The following MLLT3 variants were observed in gnomAD, a reference collection of about 807,000 sequenced individuals.
MLLT3 encodes the protein protein AF-9.
Under a neutral mutation model 53.2 loss-of-function variants are expected in MLLT3, and 4 were observed. The ratio of observed to expected loss-of-function variants is 0.08; its 90% CI spans 0.04 to 0.17. The LOEUF is 0.17. Among genes scored for constraint, MLLT3 ranks in the 10% least tolerant of loss-of-function variants. The pLI is 1.00. For missense variants in MLLT3, 569 were observed against 684.0 expected (o/e 0.83, Z 1.87); for synonymous variants, 283 against 230.6 (o/e 1.23, Z -2.06).
intron 2 of MLLT3, among the ~76,000 whole-genome samples, chr9:20,501,635 C>A (rs917015722): frequency 3.3e-5 from 5 of 152,052 alleles, no homozygotes; most frequent in African/African-American, 1.2e-4. Context: ...CCTGCAGTCC[C>A]AGCTACTTGG....
At chr9:20,353,779 G>C (rs1387880094) in intron 9 of MLLT3, among the ~76,000 whole-genome samples, 183 bp from the exon 10 acceptor site, 2 of 152,188 alleles carry the variant, frequency 1.3e-5, no homozygotes, top group Non-Finnish European at 2.9e-5. Context: ...TCTTGGACCA[G>C]TCATTACCTT....
intron 2 of MLLT3, among the ~76,000 whole-genome samples, chr9:20,467,958 G>T (rs1251526324): frequency 6.6e-6 from 1 of 152,178 alleles, no homozygotes; most frequent in African/African-American, 2.4e-5. Context: ...GAAGAGGCAG[G>T]TATGTATAAC....
chr9:20,489,583 C>T (rs1374814667), intron 2 of MLLT3, among the ~76,000 whole-genome samples: 1 of 152,158 alleles, frequency 6.6e-6, no homozygotes, highest in Non-Finnish European at 1.5e-5. Flanking sequence ...TCTGCTGGAG[C>T]AATTGGCTAA....
At chr9:20,374,818 T>A (rs1056225238) in intron 5 of MLLT3, among the ~76,000 whole-genome samples, 2 of 152,216 alleles carry the variant, frequency 1.3e-5, no homozygotes, top group Non-Finnish European at 2.9e-5. Context: ...TGATAGGAAT[T>A]ATGCCCCCTC....
At position 20,357,511 on chromosome 9, in the gene MLLT3, T is replaced by C. The variant is rs138390295; in HGVS notation, c.1432-2632A>G. ...TTGTCTTTAATCTGAGAAAATGTCT[T>C]GACAAACGTTCAAGATTATATTTTT... On this transcript the variant is annotated intron_variant, in intron 8 of 10. Transcript: ENST00000380338. 6.0e-3 allele frequency among the ~76,000 whole-genome samples: 907 copies of C among 152,358 alleles called. 6 individuals are homozygous for C. Among genetic ancestry groups the C allele is most frequent in the Non-Finnish European group, 9.8e-3 (666 of 68,030 alleles).
At chr9:20,514,437 C>T (rs1817848132) in intron 2 of MLLT3, among the ~76,000 whole-genome samples, 1 of 152,118 alleles carries the variant, frequency 6.6e-6, no homozygotes, top group Admixed American at 6.5e-5. Flanking sequence ...CCATTAAACA[C>T]CCAAACCAGT....
At chr9:20,394,739 T>C (rs1169940025) in intron 5 of MLLT3, among the ~76,000 whole-genome samples, 1 of 152,174 alleles carries the variant, frequency 6.6e-6, no homozygotes, top group Non-Finnish European at 1.5e-5. Flanking sequence ...AACGTATTTT[T>C]AAACTCTTTC....
At chr9:20,616,165 T>C (rs535396363) in intron 2 of MLLT3, among the ~76,000 whole-genome samples, 2 of 152,272 alleles carry the variant, frequency 1.3e-5, no homozygotes, top group East Asian at 1.9e-4. Context: ...CCTCAACTTA[T>C]GAGGTAATAG....
chr9:20,541,998 CTTTTCCAGAGG>C (rs898905176), intron 2 of MLLT3, among the ~76,000 whole-genome samples: 7 of 152,122 alleles, frequency 4.6e-5, no homozygotes, highest in African/African-American at 1.7e-4. Flanking sequence ...AATAGTATAT[CTTTTCCAGAGG>C]TTTTCAATTT....
At chr9:20,456,982 A>C (rs908843957) in intron 2 of MLLT3, among the ~76,000 whole-genome samples, 196 bp from the exon 3 acceptor site, 3 of 152,124 alleles carry the variant, frequency 2.0e-5, no homozygotes, top group African/African-American at 7.2e-5. Context: ...TCTTATGTAA[A>C]GCAGATATGT....
intron 2 of MLLT3, among the ~76,000 whole-genome samples, chr9:20,544,660 T>C (rs1354142234): frequency 2.0e-5 from 3 of 152,196 alleles, no homozygotes; most frequent in Admixed American, 6.5e-5. Context: ...AGAGCTGCTA[T>C]GGAAAACACT....
intron 5 of MLLT3, among the ~76,000 whole-genome samples, chr9:20,404,898 T>C (rs539940887): frequency 1.3e-5 from 2 of 152,110 alleles, no homozygotes; most frequent in Non-Finnish European, 2.9e-5. Flanking sequence ...TGGCCAGGTA[T>C]GGCTATGTTC....
At position 20,343,050 on chromosome 9, in the gene MLLT3, G is replaced by C. The variant is rs1194295193; in HGVS notation, c.*3393C>G. On this transcript the variant is annotated 3_prime_UTR_variant, in exon 11 of 11. Coordinates refer to ENST00000380338, the MANE Select transcript of MLLT3 (RefSeq NM_004529.4). Reference sequence around the variant, plus strand: ...AAGTAGGCAAAGTTAAAACATTTAAGAGTAAAGTCTCTCTTAAACAAATAT... The same window carrying C: ...AAGTAGGCAAAGTTAAAACATTTAACAGTAAAGTCTCTCTTAAACAAATAT... 5.4e-6 allele frequency: 1 copy of C among 185,166 alleles called. No homozygotes were observed. Among genetic ancestry groups the C allele is most frequent in the Non-Finnish European group, 1.1e-5 (1 of 88,136 alleles). 11.5% of individuals were successfully genotyped at this position (185,166 alleles called of 1,614,324 possible). A position where few individuals can be genotyped will look rare whatever the true frequency, so the allele number is the denominator to read the frequency against.
At chr9:20,496,933 C>A (rs1253827063) in intron 2 of MLLT3, among the ~76,000 whole-genome samples, 1 of 152,192 alleles carries the variant, frequency 6.6e-6, no homozygotes, top group Non-Finnish European at 1.5e-5. Flanking sequence ...AGTGGGGACA[C>A]CACTGATCCT....
chr9:20,490,070 G>A (rs1371963854), intron 2 of MLLT3, among the ~76,000 whole-genome samples: 6 of 152,184 alleles, frequency 3.9e-5, no homozygotes, highest in African/African-American at 1.4e-4. Context: ...CTCTGATAAA[G>A]ATGTGATTTC....
intron 2 of MLLT3, among the ~76,000 whole-genome samples, chr9:20,481,771 T>C (rs190028655): frequency 7.9e-5 from 12 of 152,316 alleles, no homozygotes; most frequent in Middle Eastern, 3.4e-3. Flanking sequence ...CCCTCACATA[T>C]ACTTGACAGA....
At chr9:20,461,758 A>G (rs572216208) in intron 2 of MLLT3, among the ~76,000 whole-genome samples, 10 of 152,080 alleles carry the variant, frequency 6.6e-5, no homozygotes, top group African/African-American at 2.4e-4. Context: ...GCATCCCTTT[A>G]CCCTATTTGT....
At chr9:20,514,179 T>A (rs1418972992) in intron 2 of MLLT3, among the ~76,000 whole-genome samples, 1 of 152,136 alleles carries the variant, frequency 6.6e-6, no homozygotes, top group African/African-American at 2.4e-5. Context: ...GGGTGTACAT[T>A]TGAGTGGAGA....
chr9:20,474,700 C>T (rs1489688648), intron 2 of MLLT3, among the ~76,000 whole-genome samples: 1 of 152,000 alleles, frequency 6.6e-6, no homozygotes, highest in Non-Finnish European at 1.5e-5. Flanking sequence ...AAAAAGCAGA[C>T]CAAAGGGCAT....
Sources: gnomAD v4.1 joint callset for allele counts (sites outside exome capture counted in the v4.1 genomes callset) on GRCh38, gnomAD v4.1.1 for gene constraint, MANE v1.5 for transcripts, NCBI Gene and HGNC (gene_info 2026-07-23, HGNC 2026-07-21) for gene names.